Variants in CCZ1 observed in about 807,000 individuals in gnomAD.
CCZ1 encodes CCZ1 vacuolar protein trafficking and biogenesis associated.
In CCZ1, 19 loss-of-function variants were observed where a neutral mutation model predicts 57.8. The observed-to-expected ratio is 0.33, with a 90% CI of 0.23 to 0.48. The LOEUF is 0.48. Ranked by LOEUF, CCZ1 falls within the 20% of genes least tolerant of loss-of-function variation. The pLI, the probability that CCZ1 is intolerant of heterozygous loss-of-function variation, is 0.99. For synonymous variants in CCZ1, 81 were observed against 167.0 expected, an observed-to-expected ratio of 0.49 and a Z score of 3.97; for missense variants, 200 against 492.0, an observed-to-expected ratio of 0.41 and a Z score of 5.61.
chr7:5,913,574 C>CT (rs1293313613), intron 10 of CCZ1, among the ~76,000 whole-genome samples: 1 of 145,894 alleles, frequency 6.9e-6, no homozygotes, highest in Non-Finnish European at 1.5e-5. Flanking sequence ...CTGTCCCTCT[C>CT]TGGAAGGTAG....
At position 5,912,102 on chromosome 7, in the gene CCZ1, G is replaced by C. The variant is rs142858439; in HGVS notation, c.842+180G>C. On this transcript the variant is annotated intron_variant, in intron 9 of 14. Coordinates refer to ENST00000325974, the MANE Select transcript of CCZ1 (RefSeq NM_015622.6). ...CCCAAGTAGCTGGAACTACAGGCAT[G>C]AGCCACTATGCCTGGGTAATTCATT... Among the ~76,000 whole-genome samples the C allele has an allele frequency of 5.3e-3, 781 of 148,334 alleles. 17 individuals are homozygous for C. Among genetic ancestry groups the C allele is most frequent in the African/African-American group, 0.019 (743 of 38,696 alleles).
In CCZ1 at chr7:5,902,615, A is replaced by G. The variant is rs188686931; in HGVS notation, c.439-46A>G. 18 of 1,545,578 alleles carry G rather than the reference A, an allele frequency of 1.2e-5. 3 individuals are homozygous for G. The highest frequency in any genetic ancestry group is 3.4e-6 in the Non-Finnish European group (4 of 1,159,602). ...AAGAACTTGTTATACTGAAAAAGTG[A>G]GCATAGGAAACTGATTTTTTTTCCT... On this transcript the variant is annotated intron_variant, in intron 5 of 14. Transcript: ENST00000325974.
intron 12 of CCZ1, among the ~76,000 whole-genome samples, chr7:5,920,464 C>A (rs1407195452): frequency 1.9e-5 from 1 of 53,036 alleles, no homozygotes; most frequent in Non-Finnish European, 3.4e-5. Flanking sequence ...AATTCTTTCT[C>A]CCTGGCTTTT....
intron 7 of CCZ1, among the ~76,000 whole-genome samples, chr7:5,908,214 C>T (rs1311452039): frequency 1.4e-5 from 2 of 142,508 alleles, no homozygotes; most frequent in South Asian, 2.4e-4. Flanking sequence ...CCTATAGTCC[C>T]AGCTACTGGG....
At chr7:5,903,261 T>G (rs1311025773) in intron 6 of CCZ1, among the ~76,000 whole-genome samples, 1 of 145,242 alleles carries the variant, frequency 6.9e-6, no homozygotes, top group Non-Finnish European at 1.5e-5. Context: ...TTTGCATGTT[T>G]CACCCTACCT....
intron 9 of CCZ1, 81 bp downstream of exon 9, chr7:5,912,003 G>GT: frequency 6.4e-7 from 1 of 1,571,158 alleles, no homozygotes; most frequent in Non-Finnish European, 8.6e-7. Flanking sequence ...ACCCAGGCTG[G>GT]AGAGCAGTGG....
intron 8 of CCZ1, among the ~76,000 whole-genome samples, chr7:5,910,706 T>TTTTATTTTATTTTATTTA (rs750179208): frequency 4.8e-5 from 6 of 123,712 alleles, no homozygotes; most frequent in African/African-American, 9.0e-5. Context: ...ATGTATTTTA[T>TTTTATTTTATTTTATTTA]TTTATTTATT....
intron 10 of CCZ1, among the ~76,000 whole-genome samples, chr7:5,913,466 T>C (rs934883358): frequency 6.6e-6 from 1 of 151,652 alleles, no homozygotes; most frequent in Non-Finnish European, 1.5e-5. Flanking sequence ...TTCTCCTCTT[T>C]CCTGCCTGAG....
At position 5,910,711 on chromosome 7, in the gene CCZ1, TTTATTTATTTA is replaced by T. The variant is rs1359891525; in HGVS notation, c.780+598_780+608del. ...CTTTTAATTTATGTATTTTATTTTA[TTTATTTATTTA>T]TTTATTTATTTATTTATTTATTTAT... On this transcript the variant is annotated intron_variant, in intron 8 of 14. Transcript: ENST00000325974. Among the ~76,000 whole-genome samples the T allele has an allele frequency of 1.0e-4, 12 of 120,124 alleles. 2 individuals carry two copies. The East Asian group carries it at 1.5e-3, about 15-fold the overall frequency. 78.8% of individuals were successfully genotyped at this position (120,124 alleles called of 152,430 possible). A position where few individuals can be genotyped will look rare whatever the true frequency, so the allele number is the denominator to read the frequency against.
At chr7:5,912,283 T>C (rs1002972659) in intron 9 of CCZ1, among the ~76,000 whole-genome samples, 15 of 136,654 alleles carry the variant, frequency 1.1e-4, no homozygotes, top group African/African-American at 2.2e-4. Flanking sequence ...AAAGATAATA[T>C]GGACATTGAA....
At chr7:5,914,349 C>G (rs1346683509) in intron 10 of CCZ1, among the ~76,000 whole-genome samples, 4 of 148,206 alleles carry the variant, frequency 2.7e-5, no homozygotes, top group Non-Finnish European at 5.9e-5. Context: ...GGCAGGAGAA[C>G]CGCTTGAGCC....
chr7:5,915,781 C>CCCCCG (rs1248044637), intron 10 of CCZ1, among the ~76,000 whole-genome samples: 2 of 128,034 alleles, frequency 1.6e-5, no homozygotes, highest in East Asian at 2.6e-4. Flanking sequence ...TTCCAAAACC[C>CCCCCG]CCGGGAGGTG....
chr7:5,901,838 G>A (rs1781692619), intron 5 of CCZ1, 134 bp downstream of exon 5: 1 of 979,144 alleles, frequency 1.0e-6, no homozygotes, highest in South Asian at 2.0e-5. Flanking sequence ...AAAATAATGA[G>A]GCCTTTGAAA....
At chr7:5,909,161 C>G (rs1032403753) in intron 7 of CCZ1, among the ~76,000 whole-genome samples, 3 of 147,508 alleles carry the variant, frequency 2.0e-5, no homozygotes, top group African/African-American at 7.6e-5. Context: ...GTAGGAGTAG[C>G]CTTTTGCAGG....
At chr7:5,899,853 C>T (rs72581018) in intron 1 of CCZ1, among the ~76,000 whole-genome samples, 22,614 of 150,154 alleles carry the variant, frequency 0.15, 1,882 homozygotes, top group East Asian at 0.47. Flanking sequence ...TGCAGATGGG[C>T]ACACCTTTAT....
At chr7:5,905,762 C>A in intron 7 of CCZ1, among the ~76,000 whole-genome samples, 2 of 74,044 alleles carry the variant, frequency 2.7e-5, no homozygotes, top group Admixed American at 2.2e-4. Flanking sequence ...AGCCTGGCAA[C>A]AGAGAGAGAC....
chr7:5,906,352 C>T (rs1453369333), intron 7 of CCZ1, among the ~76,000 whole-genome samples: 4 of 133,436 alleles, frequency 3.0e-5, no homozygotes, highest in African/African-American at 8.5e-5. Flanking sequence ...GAGACGGAGT[C>T]TCACTCTGTT....
At chr7:5,922,956 G>T (rs1443986269) in intron 12 of CCZ1, among the ~76,000 whole-genome samples, 3 of 149,688 alleles carry the variant, frequency 2.0e-5, no homozygotes, top group African/African-American at 5.1e-5. Context: ...TGTCATTTTG[G>T]TGGGAAAGCA....
rs370275453 is a variant in CCZ1, at chr7:5,900,371, C to T, written c.208C>T (p.Gln70Ter). ...TGTCGGATTGTGTGAAGCTATTGTA[C>T]AGTTTACAAGGTAATACCTCTAAGT... Reference protein sequence around the residue: ...RNVGLCEAIVQFTRTFSPSKP... With the variant: ...RNVGLCEAIV Residue 70 changes from glutamine to a stop codon, truncating the protein, a stop_gained, in exon 2 of 15, where the codon CAG becomes TAG. Transcript: ENST00000325974. LOFTEE classifies it high-confidence loss of function. 7.2e-5 allele frequency: 113 copies of T among 1,568,108 alleles called. 3 individuals carry two copies. Among genetic ancestry groups the T allele is most frequent in the Non-Finnish European group, 9.7e-5 (112 of 1,157,452 alleles).
Sources: gnomAD v4.1 joint callset for allele counts (sites outside exome capture counted in the v4.1 genomes callset) on GRCh38, gnomAD v4.1.1 for gene constraint, MANE v1.5 for transcripts, NCBI Gene and HGNC (gene_info 2026-07-23, HGNC 2026-07-21) for gene names.